SLC30A4: variants seen among roughly 807,000 people sequenced by gnomAD.
The protein encoded by SLC30A4 is solute carrier family 30 member 4.
Under a neutral mutation model 41.7 loss-of-function variants are expected in SLC30A4, and 20 were observed. The observed-to-expected ratio is 0.48, with a 90% CI of 0.34 to 0.70. The LOEUF is 0.70. Ranked by LOEUF, SLC30A4 falls within the 30% of genes least tolerant of loss-of-function variation. SLC30A4 has a pLI of 0.01. For synonymous variants in SLC30A4, 181 were observed against 195.9 expected (o/e 0.92, Z 0.64); for missense variants, 441 against 529.3 (o/e 0.83, Z 1.64).
At chr15:45,486,489 T>G (rs1891708445) in intron 7 of SLC30A4, 122 bp downstream of exon 7, 2 of 912,076 alleles carry the variant, frequency 2.2e-6, no homozygotes, top group Admixed American at 5.9e-5. Context: ...AGACAAAGGC[T>G]TTTGTCTTAA....
intron 3 of SLC30A4, among the ~76,000 whole-genome samples, chr15:45,504,890 C>T (rs1397607718): frequency 6.6e-6 from 1 of 152,130 alleles, no homozygotes; most frequent in Non-Finnish European, 1.5e-5. Context: ...GTTCTCTTGA[C>T]AACTTCTCTT....
At chr15:45,512,321 G>A (rs1407144212) in intron 2 of SLC30A4, 2 of 152,154 alleles carry the variant, frequency 1.3e-5, no homozygotes, top group Admixed American at 6.6e-5. Flanking sequence ...GGTAGGTCTG[G>A]GATGGTGATG....
intron 3 of SLC30A4, among the ~76,000 whole-genome samples, chr15:45,505,747 A>G (rs901831733): frequency 1.3e-5 from 2 of 152,142 alleles, no homozygotes; most frequent in African/African-American, 2.4e-5. Flanking sequence ...GAACATATAT[A>G]TGTATTTGCT....
chr15:45,521,906 G>C, intron 2 of SLC30A4, 58 bp downstream of exon 2: 1 of 1,546,510 alleles, frequency 6.5e-7, no homozygotes, highest in East Asian at 2.3e-5. Flanking sequence ...TGTAACTACA[G>C]CTTGACAAAG....
In SLC30A4 at chr15:45,485,188, G is replaced by A. The variant is rs1891672511; in HGVS notation, c.1265C>T (p.Ala422Val). ...TTAGGGACTAGAACTCTGACAATTT[G>A]CACAAGTTCTGTCCACTTCTTGCCT... ...SYRQEVDRTC[A>V]NCQSSSP is the part of the protein sequence containing the mutation. The change falls in exon 8 of 8, where the codon GCA becomes GTA. Residue 422 changes from alanine to valine, a missense_variant. Transcript: ENST00000261867. The A allele has an allele frequency of 6.2e-7, 1 of 1,612,168 alleles. No individual in the cohort carries two copies. The highest frequency in any genetic ancestry group is 1.7e-5 in the Admixed American group (1 of 59,632).
At chr15:45,499,455 C>T (rs1370511348) in intron 3 of SLC30A4, among the ~76,000 whole-genome samples, 1 of 152,152 alleles carries the variant, frequency 6.6e-6, no homozygotes, top group Non-Finnish European at 1.5e-5. Context: ...AGTCCTTTCA[C>T]ATGAGCATTA....
At chr15:45,498,754 G>T (rs1380542620) in intron 3 of SLC30A4, among the ~76,000 whole-genome samples, 2 of 152,144 alleles carry the variant, frequency 1.3e-5, no homozygotes, top group African/African-American at 4.8e-5. Context: ...TATTTGATGT[G>T]ATTAAATTCT....
At chr15:45,517,572 C>T (rs2467890) in intron 2 of SLC30A4, among the ~76,000 whole-genome samples, 2 of 151,724 alleles carry the variant, frequency 1.3e-5, no homozygotes, top group African/African-American at 4.8e-5. Context: ...AGGCTGGTCT[C>T]GAACTCCCGA....
chr15:45,522,708 GT>G lies in SLC30A4; in HGVS notation c.-217del, dbSNP rs1892716305. The G allele has an allele frequency of 5.7e-6, 1 of 175,096 alleles. No individual in the cohort carries two copies. Among genetic ancestry groups the G allele is most frequent in the East Asian group, 1.6e-4 (1 of 6,406 alleles). 10.8% of individuals were successfully genotyped at this position (175,096 alleles called of 1,614,324 possible). On this transcript the variant is annotated 5_prime_UTR_variant, in exon 1 of 8. Coordinates refer to ENST00000261867, the MANE Select transcript of SLC30A4 (RefSeq NM_013309.6). ...CCCGCGGCCGCAGGAGAGTGGGGTC[GT>G]GCTCGCGCCCGCCGCGCCCGCTGCT... is the stretch of plus-strand genomic sequence containing the variant.
chr15:45,519,928 T>C (rs980850828), intron 2 of SLC30A4, among the ~76,000 whole-genome samples: 1 of 152,250 alleles, frequency 6.6e-6, no homozygotes, highest in African/African-American at 2.4e-5. Flanking sequence ...GCTGAGACCA[T>C]GGTGCTTTAT....
intron 5 of SLC30A4, among the ~76,000 whole-genome samples, chr15:45,487,960 AGTGTGTGTGTGTGTGTGTGTGTGT>A (rs58392709): frequency 4.3e-5 from 6 of 139,668 alleles, no homozygotes; most frequent in Non-Finnish European, 7.8e-5. Context: ...GCTGGAAAAA[AGTGTGTGTGTGTGTGTGTGTGTGT>A]GTGTGTGTGT....
At chr15:45,502,570 CG>C (rs1892060666) in intron 3 of SLC30A4, 2 of 151,298 alleles carry the variant, frequency 1.3e-5, no homozygotes, top group African/African-American at 4.9e-5. Context: ...TTTATAAAGA[CG>C]GGATCTCCCT....
At position 45,490,674 on chromosome 15, in the gene SLC30A4, A is replaced by T. The variant is rs982287178; in HGVS notation, c.692+54T>A. 2.5e-6 allele frequency: 3 copies of T among 1,180,500 alleles called. No individual in the cohort carries two copies. In the African/African-American group the frequency reaches 4.6e-5, roughly 18 times the overall value. The allele number at this position is 1,180,500 out of a possible 1,614,324, so 73.1% of individuals were successfully genotyped here. A position where few individuals can be genotyped will look rare whatever the true frequency, so the allele number is the denominator to read the frequency against. ...GAATATTACTGAATGCATATGCAAT[A>T]GTCTCTGAGTTCACAGTACTTGAAA... On this transcript the variant is annotated intron_variant, in intron 4 of 7. Transcript: ENST00000261867.
intron 3 of SLC30A4, among the ~76,000 whole-genome samples, chr15:45,499,610 G>C (rs1418257034): frequency 6.6e-6 from 1 of 152,172 alleles, no homozygotes; most frequent in Admixed American, 6.6e-5. Context: ...GTTCTCTTTA[G>C]AATGGCATTT....
intron 3 of SLC30A4, among the ~76,000 whole-genome samples, chr15:45,508,270 T>TGG (rs1892202383): frequency 6.6e-6 from 1 of 152,226 alleles, no homozygotes; most frequent in African/African-American, 2.4e-5. Flanking sequence ...ACTTCCACAC[T>TGG]AATTCTTAGT....
intron 3 of SLC30A4, among the ~76,000 whole-genome samples, chr15:45,499,552 A>C (rs1229560062): frequency 1.3e-5 from 2 of 151,960 alleles, no homozygotes; most frequent in Admixed American, 1.3e-4. Flanking sequence ...CCAGAAGGAC[A>C]GAAGGATAGA....
rs1891601262 is a variant in SLC30A4 at position 45,481,484 on chromosome 15, A to G, written c.*3679T>C. Reference sequence around the variant, plus strand: ...AAACACACGTTTATGTACACAAGTAACTCTGATTATTTGCAAATACTAATT... The same window carrying G: ...AAACACACGTTTATGTACACAAGTAGCTCTGATTATTTGCAAATACTAATT... On this transcript the variant is annotated 3_prime_UTR_variant, in exon 8 of 8. Coordinates refer to ENST00000261867, the MANE Select transcript of SLC30A4 (RefSeq NM_013309.6). 6.6e-6 allele frequency: 1 copy of G among 152,206 alleles called. No individual in the cohort carries two copies. Among genetic ancestry groups the G allele is most frequent in the African/African-American group, 2.4e-5 (1 of 41,464 alleles). The allele number at this position is 152,206 out of a possible 1,614,324, so 9.4% of individuals were successfully genotyped here. A position where few individuals can be genotyped will look rare whatever the true frequency, so the allele number is the denominator to read the frequency against.
intron 3 of SLC30A4, among the ~76,000 whole-genome samples, chr15:45,503,860 C>T (rs887711663): frequency 4.6e-5 from 7 of 152,050 alleles, no homozygotes; most frequent in African/African-American, 7.2e-5. Flanking sequence ...ACAGGAGAAT[C>T]GCTTGAACCC....
At chr15:45,496,668 T>C (rs1327234936) in intron 3 of SLC30A4, among the ~76,000 whole-genome samples, 3 of 151,910 alleles carry the variant, frequency 2.0e-5, no homozygotes, top group African/African-American at 4.8e-5. Context: ...TGAATGGTCA[T>C]CTTTCAATCA....
Sources: allele counts gnomAD v4.1 joint callset (sites outside exome capture counted in the v4.1 genomes callset), GRCh38; gene constraint gnomAD v4.1.1; transcripts MANE v1.5; gene names NCBI Gene and HGNC (gene_info 2026-07-23, HGNC 2026-07-21).